MTREX: variants seen among roughly 807,000 people sequenced by gnomAD.
The protein encoded by MTREX is exosome RNA helicase MTR4.
Under a neutral mutation model 135.4 loss-of-function variants are expected in MTREX, and 76 were observed. The ratio of observed to expected loss-of-function variants is 0.56; its 90% CI spans 0.47 to 0.68. The LOEUF (loss-of-function observed/expected upper bound fraction) is 0.68, where lower values mean the gene tolerates loss of function less well. Ranked by LOEUF, MTREX falls within the 30% of genes least tolerant of loss-of-function variation. MTREX has a pLI of 0.00. For synonymous variants in MTREX, 404 were observed against 401.6 expected (o/e 1.01, Z -0.07); for missense variants, 920 against 1,262.1 (o/e 0.73, Z 4.11).
intron 17 of MTREX, 79 bp downstream of exon 17, chr5:55,378,565 T>G: frequency 7.1e-7 from 1 of 1,405,012 alleles, no homozygotes; most frequent in Non-Finnish European, 9.6e-7. Flanking sequence ...TAATTTATTT[T>G]TTATTCTGAT....
chr5:55,408,957 A>G (rs930387187), intron 22 of MTREX, among the ~76,000 whole-genome samples: 5 of 147,090 alleles, frequency 3.4e-5, no homozygotes, highest in African/African-American at 1.3e-4. Flanking sequence ...TTATTTATTT[A>G]TTTATTTATT....
At chr5:55,309,879 G>A (rs1031364297) in intron 1 of MTREX, among the ~76,000 whole-genome samples, 3 of 152,138 alleles carry the variant, frequency 2.0e-5, no homozygotes, top group African/African-American at 4.8e-5. Flanking sequence ...TCAGGAGTGC[G>A]AAATGAGTGG....
intron 9 of MTREX, 133 bp downstream of exon 9, chr5:55,344,753 C>A (rs1749703159): frequency 1.7e-6 from 1 of 582,828 alleles, no homozygotes; most frequent in Non-Finnish European, 2.9e-6. Flanking sequence ...TTTAATCAAT[C>A]GATCTTGATT....
chr5:55,372,693 G>A (rs7714058), intron 16 of MTREX, among the ~76,000 whole-genome samples: 9,114 of 152,094 alleles, frequency 0.06, 485 homozygotes, highest in African/African-American at 0.12. Flanking sequence ...TGCAACATGC[G>A]TAATAAAGTT....
intron 15 of MTREX, among the ~76,000 whole-genome samples, chr5:55,362,083 ATTTTTTTT>A (rs35074192): frequency 1.8e-5 from 2 of 111,168 alleles, no homozygotes; most frequent in Non-Finnish European, 3.5e-5. Flanking sequence ...CGTCTGGCTA[ATTTTTTTT>A]TTTTTTTTTT....
intron 21 of MTREX, among the ~76,000 whole-genome samples, chr5:55,400,965 T>C (rs1750714593): frequency 6.6e-6 from 1 of 152,232 alleles, no homozygotes; most frequent in Admixed American, 6.5e-5. Flanking sequence ...TCAGGGTTTA[T>C]GCCTGTCATA....
intron 15 of MTREX, among the ~76,000 whole-genome samples, chr5:55,360,405 CTT>C (rs112334233): frequency 6.9e-6 from 1 of 144,062 alleles, no homozygotes; most frequent in Non-Finnish European, 1.5e-5. Context: ...CTGCTATGAA[CTT>C]TTTTTTTTTT....
intron 19 of MTREX, among the ~76,000 whole-genome samples, chr5:55,393,559 A>G (rs1750602356): frequency 6.6e-6 from 1 of 152,204 alleles, no homozygotes; most frequent in Non-Finnish European, 1.5e-5. Context: ...GAATGTATTG[A>G]CTTAAAACTT....
At chr5:55,353,818 A>G (rs932786276) in intron 14 of MTREX, among the ~76,000 whole-genome samples, 5 of 152,238 alleles carry the variant, frequency 3.3e-5, no homozygotes, top group Non-Finnish European at 7.3e-5. Context: ...GAGTTTGATG[A>G]TAGGAGGTTA....
chr5:55,357,007 T>G (rs1749927658), intron 14 of MTREX: 1 of 155,186 alleles, frequency 6.4e-6, no homozygotes, highest in South Asian at 1.9e-4. Flanking sequence ...GAAGGAACCC[T>G]TGGTGATGAT....
At chr5:55,391,034 T>A (rs948127177) in intron 19 of MTREX, among the ~76,000 whole-genome samples, 91 of 152,326 alleles carry the variant, frequency 6.0e-4, no homozygotes, top group Non-Finnish European at 1.1e-3. Flanking sequence ...TCATACTTTA[T>A]TAATTTCTTT....
At chr5:55,322,228 CATGACTTT>C in intron 1 of MTREX, 91 bp from the exon 2 acceptor site, 1 of 985,566 alleles carries the variant, frequency 1.0e-6, no homozygotes, top group South Asian at 3.0e-5. Flanking sequence ...CTATTTAAAA[CATGACTTT>C]CTGTTAATGG....
intron 21 of MTREX, among the ~76,000 whole-genome samples, chr5:55,402,822 A>ATGTGTG (rs147629671): frequency 0.22 from 31,165 of 143,444 alleles, 3,598 homozygotes; most frequent in Admixed American, 0.29. Context: ...AGCACATTAT[A>ATGTGTG]TGTGTGTGTG....
chr5:55,374,720 A>T (rs1448273485), intron 16 of MTREX, among the ~76,000 whole-genome samples: 1 of 152,236 alleles, frequency 6.6e-6, no homozygotes, highest in African/African-American at 2.4e-5. Context: ...TCCTAAACAG[A>T]AAACTGCAAC....
chr5:55,330,117 C>T lies in MTREX; in HGVS notation c.515+1306C>T, dbSNP rs150474775. On this transcript the variant is annotated intron_variant, in intron 5 of 26. Coordinates refer to ENST00000230640, the MANE Select transcript of MTREX (RefSeq NM_015360.5). Reference sequence around the variant, plus strand: ...TTTTTGAGGCAGGGTCTTGCTCTGTCGCCCAGGTTGGAGTGCAGTGGCACA... The same window carrying T: ...TTTTTGAGGCAGGGTCTTGCTCTGTTGCCCAGGTTGGAGTGCAGTGGCACA... Among the ~76,000 whole-genome samples the T allele has an allele frequency of 1.4e-3, 208 of 152,058 alleles. 4 individuals carry two copies. In the Middle Eastern group the frequency reaches 0.024, roughly 17 times the overall value.
At chr5:55,360,419 T>A (rs969013209) in intron 15 of MTREX, among the ~76,000 whole-genome samples, 4 of 151,976 alleles carry the variant, frequency 2.6e-5, no homozygotes, top group Non-Finnish European at 5.9e-5. Flanking sequence ...TTTTTTTTTT[T>A]ACAAGTCTTT....
chr5:55,345,348 GACATTAAGTATAATTT>G (rs1749714218), intron 10 of MTREX, 152 bp downstream of exon 10: 1 of 630,834 alleles, frequency 1.6e-6, no homozygotes, highest in African/African-American at 1.9e-5. Flanking sequence ...TTTTTTGTAT[GACATTAAGTATAATTT>G]ACATACTATA....
intron 14 of MTREX, among the ~76,000 whole-genome samples, chr5:55,355,261 T>C (rs1322972619): frequency 1.3e-5 from 2 of 152,144 alleles, no homozygotes; most frequent in African/African-American, 4.8e-5. Flanking sequence ...AGCACCTTCA[T>C]GCCACTGTAG....
intron 16 of MTREX, among the ~76,000 whole-genome samples, chr5:55,372,892 ATGTGTGTGTGTG>A (rs59026723): frequency 9.8e-4 from 118 of 120,984 alleles, no homozygotes; most frequent in South Asian, 3.5e-3. Flanking sequence ...TAAAACTGTA[ATGTGTGTGTGTG>A]TGTGTGTGTG....
Sources: gnomAD v4.1 joint callset for allele counts (sites outside exome capture counted in the v4.1 genomes callset) on GRCh38, gnomAD v4.1.1 for gene constraint, MANE v1.5 for transcripts, NCBI Gene and HGNC (gene_info 2026-07-23, HGNC 2026-07-21) for gene names.